CSMD1: variants seen among roughly 807,000 people sequenced by gnomAD.
CSMD1 encodes CUB and Sushi multiple domains 1.
CSMD1 carries 213 observed loss-of-function variants against 417.5 expected under a neutral mutation model. That is an observed-to-expected ratio of 0.51 (90% CI 0.46 to 0.57). The LOEUF is 0.57. Among genes scored for constraint, CSMD1 ranks in the 20% least tolerant of loss-of-function variants. The pLI, the probability that CSMD1 is intolerant of heterozygous loss-of-function variation, is 0.00. For missense variants in CSMD1, 6,923 were observed against 4,529.7 expected (o/e 1.53, Z -15.17); for synonymous variants, 2,862 against 1,736.8 (o/e 1.65, Z -16.11).
At chr8:4,938,323 G>C (rs1807760274) in intron 1 of CSMD1, among the ~76,000 whole-genome samples, 1 of 152,138 alleles carries the variant, frequency 6.6e-6, no homozygotes, top group South Asian at 2.1e-4. Context: ...ACTGCAATGA[G>C]TTCATAAATG....
chr8:3,044,835 C>T (rs1484920386), intron 50 of CSMD1, among the ~76,000 whole-genome samples: 1 of 152,118 alleles, frequency 6.6e-6, no homozygotes. Flanking sequence ...TACTGATCTA[C>T]ATATTACTGC....
At chr8:4,853,476 A>G (rs756121142) in intron 1 of CSMD1, among the ~76,000 whole-genome samples, 1 of 152,232 alleles carries the variant, frequency 6.6e-6, no homozygotes, top group East Asian at 1.9e-4. Context: ...GCTAGTGCAC[A>G]GAATGCAAGA....
intron 3 of CSMD1, among the ~76,000 whole-genome samples, chr8:4,161,856 T>A (rs548713129): frequency 6.6e-6 from 1 of 152,244 alleles, no homozygotes; most frequent in Non-Finnish European, 1.5e-5. Context: ...TTCTTTGCCA[T>A]AGAATTTAAT....
chr8:4,731,136 G>C (rs935277980), intron 1 of CSMD1, among the ~76,000 whole-genome samples: 1 of 152,190 alleles, frequency 6.6e-6, no homozygotes, highest in Non-Finnish European at 1.5e-5. Flanking sequence ...CCATGAGATG[G>C]CTTCGAGTAG....
chr8:3,050,117 A>AC lies in CSMD1; in HGVS notation c.7660+2344_7660+2345insG, dbSNP rs1320161242. Among the ~76,000 whole-genome samples the AC allele has an allele frequency of 9.9e-5, 15 of 152,004 alleles. No individual in the cohort carries two copies. The South Asian group carries it at 1.7e-3, about 17-fold the overall frequency. ...CACCTAGAGAACTTAAAAAAAAAAA[A>AC]AAAACTGATGATTGGTCTCCACCTA... On this transcript the variant is annotated intron_variant, in intron 50 of 69. Coordinates refer to ENST00000635120, the MANE Select transcript of CSMD1 (RefSeq NM_033225.6).
At chr8:3,813,510 G>A (rs953523900) in intron 5 of CSMD1, among the ~76,000 whole-genome samples, 3 of 152,212 alleles carry the variant, frequency 2.0e-5, no homozygotes, top group African/African-American at 2.4e-5. Context: ...AAGGGCTGGC[G>A]TGAATATGAA....
At chr8:3,188,757 C>A (rs1480595483) in intron 35 of CSMD1, 130 bp downstream of exon 35, 10 of 471,666 alleles carry the variant, frequency 2.1e-5, no homozygotes, top group African/African-American at 1.2e-4. Context: ...TTAAAATAAC[C>A]AGTATAAAAG....
At chr8:3,312,617 G>C (rs1273480897) in intron 23 of CSMD1, among the ~76,000 whole-genome samples, 1 of 152,136 alleles carries the variant, frequency 6.6e-6, no homozygotes, top group South Asian at 2.1e-4. Context: ...ATGGGAAGTA[G>C]CATTGGAATC....
chr8:3,111,019 C>G (rs1185150325), intron 42 of CSMD1, among the ~76,000 whole-genome samples: 1 of 151,910 alleles, frequency 6.6e-6, no homozygotes. Flanking sequence ...ATGGAATAAC[C>G]TGAAATATAG....
intron 12 of CSMD1, among the ~76,000 whole-genome samples, chr8:3,466,576 A>C (rs1160118615): frequency 7.5e-6 from 1 of 134,094 alleles, no homozygotes; most frequent in Non-Finnish European, 1.5e-5. Flanking sequence ...ACAATCAGCT[A>C]ATTTTTTTTT....
chr8:4,397,114 C>T (rs541829725), intron 3 of CSMD1, among the ~76,000 whole-genome samples: 3 of 152,124 alleles, frequency 2.0e-5, no homozygotes, highest in South Asian at 2.1e-4. Context: ...GAGTATATAA[C>T]CATCTGCACG....
At chr8:4,647,369 T>G (rs949283515) in intron 1 of CSMD1, among the ~76,000 whole-genome samples, 2 of 151,542 alleles carry the variant, frequency 1.3e-5, no homozygotes, top group African/African-American at 2.4e-5. Context: ...GGCGGCCTGC[T>G]ACGTAGGTAC....
At chr8:4,195,820 C>G (rs746741169) in intron 3 of CSMD1, among the ~76,000 whole-genome samples, 7 of 152,136 alleles carry the variant, frequency 4.6e-5, no homozygotes, top group Non-Finnish European at 1.0e-4. Context: ...GCCCTCAAGC[C>G]TGTAGATGAG....
At chr8:3,979,420 G>T (rs1029452800) in intron 5 of CSMD1, among the ~76,000 whole-genome samples, 1 of 152,200 alleles carries the variant, frequency 6.6e-6, no homozygotes, top group East Asian at 1.9e-4. Flanking sequence ...TGGAAAAGCT[G>T]CAGGAGAAGG....
At chr8:4,970,343 C>T (rs1810161263) in intron 1 of CSMD1, among the ~76,000 whole-genome samples, 1 of 151,860 alleles carries the variant, frequency 6.6e-6, no homozygotes, top group African/African-American at 2.4e-5. Context: ...ATTAAAGTAC[C>T]CAGAACAAAA....
intron 29 of CSMD1, among the ~76,000 whole-genome samples, chr8:3,215,775 G>A (rs1797846515): frequency 6.6e-6 from 1 of 152,122 alleles, no homozygotes; most frequent in South Asian, 2.1e-4. Flanking sequence ...GCTAGAAATA[G>A]ATAAATATAA....
At chr8:4,489,136 T>G (rs904479005) in intron 2 of CSMD1, among the ~76,000 whole-genome samples, 2 of 152,160 alleles carry the variant, frequency 1.3e-5, no homozygotes, top group Non-Finnish European at 2.9e-5. Context: ...GGTCTCAAAC[T>G]CCTGACCTCA....
At chr8:3,408,311 G>A in intron 13 of CSMD1, 86 bp from the exon 14 acceptor site, 2 of 986,150 alleles carry the variant, frequency 2.0e-6, no homozygotes, top group Admixed American at 2.6e-5. Flanking sequence ...AACCTGGAAA[G>A]GCAATTCATG....
At chr8:3,157,255 T>G (rs1311963532) in intron 39 of CSMD1, among the ~76,000 whole-genome samples, 1 of 152,162 alleles carries the variant, frequency 6.6e-6, no homozygotes, top group Non-Finnish European at 1.5e-5. Flanking sequence ...AAGGGCACCC[T>G]GACATCACCA....
Sources: allele counts gnomAD v4.1 joint callset (sites outside exome capture counted in the v4.1 genomes callset), GRCh38; gene constraint gnomAD v4.1.1; transcripts MANE v1.5; gene names NCBI Gene and HGNC (gene_info 2026-07-23, HGNC 2026-07-21).